CALN1: variants seen among roughly 807,000 people sequenced by gnomAD.
CALN1 encodes the protein calneuron 1.
In CALN1, 17 loss-of-function variants were observed where a neutral mutation model predicts 30.6. The observed-to-expected ratio is 0.56, with a 90% confidence interval of 0.38 to 0.83. The LOEUF (loss-of-function observed/expected upper bound fraction) is 0.83, where lower values mean the gene tolerates loss of function less well. Ranked by LOEUF, CALN1 falls within the 40% of genes least tolerant of loss-of-function variation. CALN1 has a pLI of 0.00. For synonymous variants in CALN1, 156 were observed against 131.4 expected, an observed-to-expected ratio of 1.19 and a Z score of -1.28; for missense variants, 291 against 354.9, an observed-to-expected ratio of 0.82 and a Z score of 1.45.
intron 5 of CALN1, among the ~76,000 whole-genome samples, chr7:72,021,491 G>A (rs1202503631): frequency 1.3e-5 from 2 of 152,066 alleles, no homozygotes; most frequent in Admixed American, 6.6e-5. Context: ...TCTACCTATT[G>A]GTCCTTGCAA....
chr7:72,173,809 A>G (rs371229810), intron 3 of CALN1, among the ~76,000 whole-genome samples: 2 of 152,180 alleles, frequency 1.3e-5, no homozygotes, highest in Admixed American at 6.5e-5. Context: ...TAATAGATCT[A>G]AATAGAAAAA....
chr7:72,403,929 G>A (rs1040700918), intron 1 of CALN1, among the ~76,000 whole-genome samples: 2 of 152,222 alleles, frequency 1.3e-5, no homozygotes, highest in East Asian at 1.9e-4. Flanking sequence ...TCATGCTGTC[G>A]CAATCCCAGG....
At chr7:72,474,063 T>A in the CALN1 span, among the ~76,000 whole-genome samples, 2 of 152,140 alleles carry the variant, frequency 1.3e-5, no homozygotes, top group Non-Finnish European at 2.9e-5. Context: ...CTAGTTAGTA[T>A]CCTTACAGGG....
chr7:72,338,849 G>A (rs1802251013), intron 2 of CALN1, among the ~76,000 whole-genome samples: 1 of 151,192 alleles, frequency 6.6e-6, no homozygotes, highest in African/African-American at 2.4e-5. Context: ...ATGAGTTATT[G>A]ACTATAGTCA....
At chr7:72,065,119 A>G (rs933202558) in intron 4 of CALN1, among the ~76,000 whole-genome samples, 3 of 148,390 alleles carry the variant, frequency 2.0e-5, no homozygotes, top group Non-Finnish European at 4.5e-5. Flanking sequence ...TTATGTTAAT[A>G]TATGTAAAAT....
At chr7:72,154,989 G>A (rs56371709) in intron 3 of CALN1, among the ~76,000 whole-genome samples, 38,428 of 151,718 alleles carry the variant, frequency 0.25, 5,911 homozygotes, top group Non-Finnish European at 0.35. Flanking sequence ...CCCAGGAGTC[G>A]GAGGCTGCAG....
intron 2 of CALN1, among the ~76,000 whole-genome samples, chr7:72,374,044 T>TAAAGAC (rs147551446): frequency 3.0e-4 from 45 of 152,238 alleles, no homozygotes; most frequent in Admixed American, 7.2e-4. Flanking sequence ...GAAGGTGAAA[T>TAAAGAC]AAAGACATTC....
At chr7:71,988,327 G>A (rs529515195) in intron 5 of CALN1, among the ~76,000 whole-genome samples, 66 of 152,258 alleles carry the variant, frequency 4.3e-4, no homozygotes, top group African/African-American at 1.5e-3. Context: ...CAGCCAGTTG[G>A]CTCCAGCATC....
chr7:72,017,563 T>C (rs1373810591), intron 5 of CALN1, among the ~76,000 whole-genome samples: 2 of 152,132 alleles, frequency 1.3e-5, no homozygotes, highest in African/African-American at 2.4e-5. Context: ...TCCCTGGACT[T>C]CGTGTGTGCT....
intron 3 of CALN1, among the ~76,000 whole-genome samples, chr7:72,178,743 T>C (rs1010362511): frequency 6.6e-6 from 1 of 152,174 alleles, no homozygotes; most frequent in Non-Finnish European, 1.5e-5. Context: ...GCTTTATTTT[T>C]CACTTGGGTA....
At chr7:71,827,096 G>A (rs899515993) in intron 5 of CALN1, among the ~76,000 whole-genome samples, 1 of 152,186 alleles carries the variant, frequency 6.6e-6, no homozygotes, top group Admixed American at 6.5e-5. Context: ...ACAGAGCCTG[G>A]GCTCTGTGGA....
chr7:71,886,842 A>G (rs867259850), intron 5 of CALN1, among the ~76,000 whole-genome samples: 3 of 152,246 alleles, frequency 2.0e-5, no homozygotes, highest in Middle Eastern at 3.4e-3. Flanking sequence ...TGAGGATCCA[A>G]GCTGAGAAAT....
chr7:72,463,975 G>A, the CALN1 span, among the ~76,000 whole-genome samples: 1 of 102,664 alleles, frequency 9.7e-6, no homozygotes, highest in Non-Finnish European at 1.8e-5. Context: ...AAGGAAGGAA[G>A]GAAGGGAAGG....
At chr7:72,269,565 T>G (rs182503758) in intron 3 of CALN1, among the ~76,000 whole-genome samples, 1 of 152,310 alleles carries the variant, frequency 6.6e-6, no homozygotes, top group Admixed American at 6.5e-5. Flanking sequence ...TCATTAGTAC[T>G]CCAGGCATCC....
At chr7:72,336,237 C>A (rs191866318) in intron 2 of CALN1, among the ~76,000 whole-genome samples, 19 of 152,216 alleles carry the variant, frequency 1.2e-4, no homozygotes, top group Non-Finnish European at 2.6e-4. Context: ...TCCGGCTTCG[C>A]GAAGAGACCT....
chr7:72,155,504 A>AGAG (rs201597122), intron 3 of CALN1, among the ~76,000 whole-genome samples: 11 of 151,636 alleles, frequency 7.3e-5, no homozygotes, highest in African/African-American at 2.4e-4. Flanking sequence ...AAAAAAAAAA[A>AGAG]AGAGAGAGAG....
chr7:72,209,547 G>A (rs200963634), intron 3 of CALN1, among the ~76,000 whole-genome samples: 12 of 88,294 alleles, frequency 1.4e-4, no homozygotes, highest in Non-Finnish European at 2.0e-4. Context: ...TCCGCCCTCC[G>A]TTCCTCCCTC....
intron 2 of CALN1, among the ~76,000 whole-genome samples, chr7:72,396,247 A>AAAAAAAAAG (rs1805935200): frequency 7.9e-5 from 8 of 101,194 alleles, no homozygotes; most frequent in Non-Finnish European, 1.3e-4. Context: ...AAAAAAAAAA[A>AAAAAAAAAG]AAAAAAAAAA....
At chr7:71,877,327 T>C (rs546874143) in intron 5 of CALN1, among the ~76,000 whole-genome samples, 28 of 152,304 alleles carry the variant, frequency 1.8e-4, no homozygotes, top group African/African-American at 6.7e-4. Flanking sequence ...GCTTTTGCTA[T>C]TATTTTTCCA....
Sources: allele counts gnomAD v4.1 joint callset (sites outside exome capture counted in the v4.1 genomes callset), GRCh38; gene constraint gnomAD v4.1.1; transcripts MANE v1.5; gene names NCBI Gene and HGNC (gene_info 2026-07-23, HGNC 2026-07-21).